Variants in CFAP69 observed in about 807,000 individuals in gnomAD.
CFAP69 encodes cilia- and flagella-associated protein 69.
Under a neutral mutation model 123.0 loss-of-function variants are expected in CFAP69, and 92 were observed. The ratio of observed to expected loss-of-function variants is 0.75; its 90% confidence interval spans 0.63 to 0.89. The LOEUF is 0.89. Among genes scored for constraint, CFAP69 ranks in the 40% least tolerant of loss-of-function variants. The probability of loss-of-function intolerance (pLI) is 0.00; values close to 1 mark genes in which losing one functional copy is unlikely to be tolerated. For missense variants in CFAP69, 1,067 were observed against 1,096.9 expected (o/e 0.97, Z 0.39); for synonymous variants, 380 against 364.3 (o/e 1.04, Z -0.49).
chr7:90,297,873 T>C, intron 16 of CFAP69, 43 bp downstream of exon 16: 1 of 1,339,716 alleles, frequency 7.5e-7, no homozygotes, highest in Admixed American at 2.3e-5. Flanking sequence ...GACAAATATG[T>C]CTATTAAAGG....
At chr7:90,247,218 G>GAGTTACTC (rs1796436919) in intron 1 of CFAP69, among the ~76,000 whole-genome samples, 1 of 152,164 alleles carries the variant, frequency 6.6e-6, no homozygotes, top group Non-Finnish European at 1.5e-5. Flanking sequence ...GAAGTTAACT[G>GAGTTACTC]AGTTACTCAG....
Position 90,304,461 on chromosome 7 carries a change from T to C in CFAP69, c.2189-283T>C, listed in dbSNP as rs376101023. 8.2e-6 allele frequency: 10 copies of C among 1,226,566 alleles called. No individual in the cohort carries two copies. The East Asian group carries it at 3.2e-4, about 39-fold the overall frequency. The allele number at this position is 1,226,566 out of a possible 1,614,324, so 76.0% of individuals were successfully genotyped here. On this transcript the variant is annotated intron_variant, in intron 18 of 22. Transcript: ENST00000389297. ...TAAGGAAAAAGTTTATCAAACACTCTTCAGCTTCTGAAGTAAGATATTATT... is the reference window on the plus strand; with the variant it reads ...TAAGGAAAAAGTTTATCAAACACTCCTCAGCTTCTGAAGTAAGATATTATT...
intron 15 of CFAP69, among the ~76,000 whole-genome samples, chr7:90,295,517 A>G (rs1382479475): frequency 6.6e-6 from 1 of 152,088 alleles, no homozygotes; most frequent in East Asian, 1.9e-4. Context: ...GCTTGCCAGA[A>G]AGATGTTACC....
At chr7:90,314,799 C>G (rs1794630979), downstream of CFAP69, among the ~76,000 whole-genome samples, 1 of 151,522 alleles carries the variant, frequency 6.6e-6, no homozygotes, top group African/African-American at 2.4e-5. Flanking sequence ...ATACATGTGC[C>G]ATGCTGGTGC....
At position 90,306,659 on chromosome 7, in the gene CFAP69, C is replaced by G. The variant is rs532695314; in HGVS notation, c.2266-242C>G. Among the ~76,000 whole-genome samples, 11 of 152,316 alleles carry G rather than the reference C, an allele frequency of 7.2e-5. No homozygotes were observed. In the East Asian group the frequency reaches 1.9e-3, roughly 27 times the overall value. On this transcript the variant is annotated intron_variant, in intron 19 of 22. Transcript: ENST00000389297. ...TGATGATGGTGATGATGGCAGGGAACTAGGCATAGGAGAGCCTTATCCATG... is the reference window on the plus strand; with the variant it reads ...TGATGATGGTGATGATGGCAGGGAAGTAGGCATAGGAGAGCCTTATCCATG...
intron 13 of CFAP69, 98 bp downstream of exon 13, chr7:90,283,154 G>A: frequency 7.9e-6 from 7 of 880,890 alleles, no homozygotes; most frequent in Non-Finnish European, 1.1e-5. Context: ...TTGTCTTTAT[G>A]ACTGAGAAAT....
chr7:90,280,966 T>C (rs919064721), intron 12 of CFAP69, among the ~76,000 whole-genome samples: 18 of 152,364 alleles, frequency 1.2e-4, no homozygotes, highest in African/African-American at 4.3e-4. Flanking sequence ...AAAGCAATTC[T>C]TCAGCCTATC....
chr7:90,311,512 A>G (rs747323733), downstream of CFAP69, among the ~76,000 whole-genome samples: 7 of 152,178 alleles, frequency 4.6e-5, no homozygotes, highest in Non-Finnish European at 8.8e-5. Context: ...CATTGAATAC[A>G]TGGTTGGGAA....
chr7:90,260,677 C>T (rs1414284533), intron 3 of CFAP69, among the ~76,000 whole-genome samples: 1 of 152,106 alleles, frequency 6.6e-6, no homozygotes, highest in Non-Finnish European at 1.5e-5. Context: ...TTATTTGGAC[C>T]TGTTCCATCT....
intron 9 of CFAP69, among the ~76,000 whole-genome samples, chr7:90,275,696 G>A (rs1009921119): frequency 2.2e-4 from 30 of 136,544 alleles, no homozygotes; most frequent in Non-Finnish European, 6.1e-5. Flanking sequence ...CCGCCTCCCG[G>A]GTTTGCGCCA....
At chr7:90,282,821 T>A (rs1789684687) in intron 12 of CFAP69, 71 bp from the exon 13 acceptor site, 1 of 1,203,736 alleles carries the variant, frequency 8.3e-7, no homozygotes, top group South Asian at 2.8e-5. Context: ...TTTTGATAGA[T>A]GTATAAGATA....
chr7:90,323,634 A>C, the CFAP69 span, among the ~76,000 whole-genome samples: 1 of 152,234 alleles, frequency 6.6e-6, no homozygotes, highest in Non-Finnish European at 1.5e-5. Flanking sequence ...AAAGCACAGC[A>C]AAAGTGACAA....
At chr7:90,263,819 G>A (rs1246508531) in intron 4 of CFAP69, among the ~76,000 whole-genome samples, 1 of 151,816 alleles carries the variant, frequency 6.6e-6, no homozygotes, top group East Asian at 1.9e-4. Flanking sequence ...GCCAAGCGCG[G>A]TGGCTCATAC....
chr7:90,253,539 C>G (rs983814144), intron 1 of CFAP69, among the ~76,000 whole-genome samples: 1 of 151,962 alleles, frequency 6.6e-6, no homozygotes, highest in Non-Finnish European at 1.5e-5. Context: ...TACAGGTGCC[C>G]GCCATCACAC....
intron 12 of CFAP69, 33 bp downstream of exon 12, chr7:90,279,926 C>T (rs1243422746): frequency 4.7e-6 from 7 of 1,488,808 alleles, no homozygotes; most frequent in Admixed American, 2.3e-5. Context: ...TGTCAAAATT[C>T]TAATCTTCAT....
Position 90,310,442 on chromosome 7 carries a change from T to G in CFAP69, c.*204T>G, listed in dbSNP as rs1471164944. The G allele has an allele frequency of 3.3e-6, 1 of 300,852 alleles. No homozygotes were observed. The highest frequency in any genetic ancestry group is 5.9e-6 in the Non-Finnish European group (1 of 168,660). 18.6% of individuals were successfully genotyped at this position (300,852 alleles called of 1,614,324 possible). On this transcript the variant is annotated 3_prime_UTR_variant, in exon 23 of 23. Coordinates refer to ENST00000389297, the MANE Select transcript of CFAP69 (RefSeq NM_001039706.3). ...TCAGAAGAGTTGTCATCAGTTTCTT[T>G]GGAAAGGCTACCAATTTTACTAAGT...
intron 12 of CFAP69, among the ~76,000 whole-genome samples, chr7:90,281,943 G>T (rs1034834070): frequency 6.6e-6 from 1 of 152,130 alleles, no homozygotes; most frequent in East Asian, 1.9e-4. Context: ...ACTAGGGACT[G>T]CCATGTCACA....
At chr7:90,280,651 C>G (rs1488457264) in intron 12 of CFAP69, among the ~76,000 whole-genome samples, 1 of 152,190 alleles carries the variant, frequency 6.6e-6, no homozygotes, top group Non-Finnish European at 1.5e-5. Flanking sequence ...GATCTCTAGC[C>G]AGAAGTAATG....
At position 90,274,110 on chromosome 7, in the gene CFAP69, TGTAA is replaced by T; in HGVS notation, c.984+4_984+7del. The T allele has an allele frequency of 6.3e-7, 1 of 1,594,798 alleles. No individual in the cohort carries two copies. Among genetic ancestry groups the T allele is most frequent in the Non-Finnish European group, 8.5e-7 (1 of 1,174,196 alleles). The stretch of plus-strand genomic sequence containing the variant: ...CTCAAAATCCTGAAGCACCAATGAT[TGTAA>T]GTATGAATCAAATTGCATTAATTTT... On this transcript the variant is annotated splice_donor_variant and splice_donor_region_variant and intron_variant, in intron 9 of 22. Coordinates refer to ENST00000389297, the MANE Select transcript of CFAP69 (RefSeq NM_001039706.3). LOFTEE classifies it high-confidence loss of function.
Sources: gnomAD v4.1 joint callset for allele counts (sites outside exome capture counted in the v4.1 genomes callset) on GRCh38, gnomAD v4.1.1 for gene constraint, MANE v1.5 for transcripts, NCBI Gene and HGNC (gene_info 2026-07-23, HGNC 2026-07-21) for gene names.